The following ST6GALNAC3 variants were observed in gnomAD, a reference collection of about 807,000 sequenced individuals.
ST6GALNAC3 encodes the protein alpha-N-acetylgalactosaminide alpha-2,6-sialyltransferase 3.
In ST6GALNAC3, 25 loss-of-function variants were observed where a neutral mutation model predicts 32.7. The ratio of observed to expected loss-of-function variants is 0.76; its 90% CI spans 0.56 to 1.07. The LOEUF (loss-of-function observed/expected upper bound fraction) is 1.07. Ranked by LOEUF, ST6GALNAC3 falls within the 50% of genes least tolerant of loss-of-function variation. The pLI is 0.00. For missense variants in ST6GALNAC3, 355 were observed against 382.4 expected, an observed-to-expected ratio of 0.93 and a Z score of 0.60; for synonymous variants, 129 against 133.1, an observed-to-expected ratio of 0.97 and a Z score of 0.21.
intron 2 of ST6GALNAC3, among the ~76,000 whole-genome samples, chr1:76,402,421 C>T (rs990175405): frequency 2.0e-5 from 3 of 152,162 alleles, no homozygotes; most frequent in African/African-American, 7.2e-5. Flanking sequence ...TTTCCTTCCA[C>T]TTTCAGTGTG....
intron 1 of ST6GALNAC3, among the ~76,000 whole-genome samples, chr1:76,102,499 T>G (rs1647268583): frequency 6.6e-6 from 1 of 152,144 alleles, no homozygotes; most frequent in Non-Finnish European, 1.5e-5. Flanking sequence ...TTTTTCTCCC[T>G]TCTGTTGAAT....
intron 3 of ST6GALNAC3, among the ~76,000 whole-genome samples, chr1:76,592,628 G>A (rs1339117764): frequency 2.0e-5 from 3 of 151,998 alleles, no homozygotes; most frequent in Admixed American, 1.3e-4. Flanking sequence ...CTCTATCACC[G>A]CCCACTCCTC....
chr1:76,094,291 A>G (rs1199206867), intron 1 of ST6GALNAC3, among the ~76,000 whole-genome samples: 9 of 152,276 alleles, frequency 5.9e-5, no homozygotes, highest in Non-Finnish European at 1.5e-5. Context: ...CCCTGGGGGA[A>G]GTGTTAGAAA....
intron 3 of ST6GALNAC3, among the ~76,000 whole-genome samples, chr1:76,447,384 G>A (rs1316161852): frequency 6.6e-6 from 1 of 152,188 alleles, no homozygotes; most frequent in Non-Finnish European, 1.5e-5. Flanking sequence ...AAGGGAAACA[G>A]CACAACAGTT....
chr1:76,216,568 A>G (rs1261801458), intron 1 of ST6GALNAC3, among the ~76,000 whole-genome samples: 1 of 152,210 alleles, frequency 6.6e-6, no homozygotes, highest in Non-Finnish European at 1.5e-5. Context: ...GATGAATCCA[A>G]TAATATGTGG....
chr1:76,230,686 T>C (rs940111900), intron 1 of ST6GALNAC3, among the ~76,000 whole-genome samples: 2 of 152,232 alleles, frequency 1.3e-5, no homozygotes, highest in African/African-American at 4.8e-5. Context: ...TTGTGAAATA[T>C]AGACTCCTGT....
intron 1 of ST6GALNAC3, among the ~76,000 whole-genome samples, chr1:76,153,942 C>T (rs2100341545): frequency 6.6e-6 from 1 of 152,240 alleles, no homozygotes; most frequent in South Asian, 2.1e-4. Context: ...AGACCTTGCC[C>T]ACTGGCTTAA....
rs760683211 is a variant in ST6GALNAC3, at chr1:76,412,424, C to CCT, written c.623+12_623+13dup. The CCT allele has an allele frequency of 6.3e-7, 1 of 1,582,178 alleles. No homozygotes were observed. Among genetic ancestry groups the CCT allele is most frequent in the Non-Finnish European group, 8.6e-7 (1 of 1,165,496 alleles). On this transcript the variant is annotated splice_region_variant and intron_variant, in intron 3 of 4. Transcript: ENST00000328299. Reference sequence around the variant, plus strand: ...AGGAAACTGGGAAGGACAGGTGAGCCCTCTCTGAAGCAGCTTTATTGTCTT... The same window carrying CCT: ...AGGAAACTGGGAAGGACAGGTGAGCCCTCTCTCTGAAGCAGCTTTATTGTCTT...
intron 2 of ST6GALNAC3, among the ~76,000 whole-genome samples, chr1:76,316,587 GA>G (rs1002708978): frequency 2.7e-5 from 4 of 149,938 alleles, no homozygotes; most frequent in South Asian, 2.1e-4. Context: ...ACTAAAAAAG[GA>G]AAAAAAAAGC....
intron 3 of ST6GALNAC3, among the ~76,000 whole-genome samples, chr1:76,616,528 G>A (rs1186657686): frequency 2.6e-5 from 4 of 152,186 alleles, no homozygotes; most frequent in African/African-American, 9.7e-5. Flanking sequence ...AATGAGAGCA[G>A]CGCCTGCCTT....
intron 3 of ST6GALNAC3, among the ~76,000 whole-genome samples, chr1:76,414,123 A>G (rs1325553522): frequency 1.3e-5 from 2 of 152,108 alleles, no homozygotes; most frequent in Non-Finnish European, 1.5e-5. Flanking sequence ...ATTGGGAGAG[A>G]ATAGCTTTGG....
At chr1:76,260,527 A>G (rs1173364951) in intron 1 of ST6GALNAC3, among the ~76,000 whole-genome samples, 1 of 152,134 alleles carries the variant, frequency 6.6e-6, no homozygotes, top group Admixed American at 6.6e-5. Context: ...TATTATTATC[A>G]TCAGTTTGTA....
At chr1:76,339,568 T>G (rs1647785445) in intron 2 of ST6GALNAC3, among the ~76,000 whole-genome samples, 1 of 152,214 alleles carries the variant, frequency 6.6e-6, no homozygotes, top group Admixed American at 6.5e-5. Context: ...ACCAATGCAT[T>G]AAGGAAGGCA....
At chr1:76,227,683 GA>G (rs1204955371) in intron 1 of ST6GALNAC3, among the ~76,000 whole-genome samples, 1 of 152,152 alleles carries the variant, frequency 6.6e-6, no homozygotes, top group African/African-American at 2.4e-5. Flanking sequence ...TTGACTGTGC[GA>G]ATTTCTGACT....
At chr1:76,555,881 T>A (rs1664888639) in intron 3 of ST6GALNAC3, among the ~76,000 whole-genome samples, 2 of 152,136 alleles carry the variant, frequency 1.3e-5, no homozygotes, top group Admixed American at 1.3e-4. Context: ...TTATTAAATA[T>A]ATTATTCATA....
At chr1:76,433,949 C>G (rs1253427611) in intron 3 of ST6GALNAC3, among the ~76,000 whole-genome samples, 3 of 152,164 alleles carry the variant, frequency 2.0e-5, no homozygotes, top group African/African-American at 7.2e-5. Flanking sequence ...TACTTTTTAT[C>G]TATTTATTCA....
At chr1:76,320,713 C>A (rs1452113947) in intron 2 of ST6GALNAC3, among the ~76,000 whole-genome samples, 1 of 152,022 alleles carries the variant, frequency 6.6e-6, no homozygotes, top group Non-Finnish European at 1.5e-5. Flanking sequence ...AAAGACCACA[C>A]TCCTATTTAG....
At chr1:76,140,630 T>TTTTCTTTCTTTC (rs2100276243) in intron 1 of ST6GALNAC3, among the ~76,000 whole-genome samples, 1 of 3,074 alleles carries the variant, frequency 3.3e-4, no homozygotes, top group South Asian at 0.12. Flanking sequence ...TCTTTCTTTC[T>TTTTCTTTCTTTC]TTTTTTTTTT....
At chr1:76,120,181 C>T (rs1466612184) in intron 1 of ST6GALNAC3, among the ~76,000 whole-genome samples, 2 of 152,214 alleles carry the variant, frequency 1.3e-5, no homozygotes, top group African/African-American at 2.4e-5. Flanking sequence ...AATATAAGCT[C>T]GTCACAGTTA....
Sources: allele counts gnomAD v4.1 joint callset (sites outside exome capture counted in the v4.1 genomes callset), GRCh38; gene constraint gnomAD v4.1.1; transcripts MANE v1.5; gene names NCBI Gene and HGNC (gene_info 2026-07-23, HGNC 2026-07-21).